Variants in SOS1 observed in about 807,000 individuals in gnomAD.
The protein encoded by SOS1 is SOS Ras/Rac guanine nucleotide exchange factor 1.
In SOS1, 25 loss-of-function variants were observed where a neutral mutation model predicts 157.6. The ratio of observed to expected loss-of-function variants is 0.16; its 90% confidence interval spans 0.12 to 0.22. The LOEUF is 0.22. SOS1 is among the 10% of genes least tolerant of loss of function. The pLI is 1.00. For synonymous variants in SOS1, 528 were observed against 534.0 expected (o/e 0.99, Z 0.16); for missense variants, 1,237 against 1,599.1 (o/e 0.77, Z 3.86).
upstream of SOS1, among the ~76,000 whole-genome samples, chr2:39,121,895 CATTA>C (rs1451373006): frequency 3.9e-5 from 6 of 152,206 alleles, no homozygotes; most frequent in South Asian, 2.1e-4. Context: ...TATGATTTAT[CATTA>C]ATTATCATTT....
chr2:39,002,399 T>C (rs2124490729), intron 17 of SOS1, among the ~76,000 whole-genome samples: 1 of 152,280 alleles, frequency 6.6e-6, no homozygotes, highest in Admixed American at 6.5e-5. Flanking sequence ...CAGTTTCAGT[T>C]TGTATAAATA....
chr2:39,028,407 C>T (rs1491001375), intron 8 of SOS1, among the ~76,000 whole-genome samples: 8 of 152,068 alleles, frequency 5.3e-5, no homozygotes, highest in African/African-American at 1.9e-4. Context: ...AATTGTTGTA[C>T]CCAGTGCATT....
rs191287131 is a variant in SOS1 at position 38,996,356 on chromosome 2, T to A, written c.3081+566A>T. Reference sequence around the variant, plus strand: ...CCACCCGCCTCAGCTTCCCAAAGTGTTGGGATTACAGGCACGAGCCACCGC... The same window carrying A: ...CCACCCGCCTCAGCTTCCCAAAGTGATGGGATTACAGGCACGAGCCACCGC... On this transcript the variant is annotated intron_variant, in intron 19 of 22. Transcript: ENST00000402219. Among the ~76,000 whole-genome samples, 33 of 152,290 alleles carry A rather than the reference T, an allele frequency of 2.2e-4. 1 individual carries two copies. In the East Asian group the frequency reaches 4.6e-3, roughly 21 times the overall value.
At chr2:39,067,529 C>T (rs1039517715) in intron 2 of SOS1, 99 bp downstream of exon 2, 5 of 1,048,238 alleles carry the variant, frequency 4.8e-6, no homozygotes, top group South Asian at 2.5e-5. Flanking sequence ...TTCTTATATA[C>T]CATATATATA....
At chr2:39,080,945 G>A (rs1324405346) in intron 1 of SOS1, among the ~76,000 whole-genome samples, 2 of 152,068 alleles carry the variant, frequency 1.3e-5, no homozygotes, top group Non-Finnish European at 2.9e-5. Flanking sequence ...CAGCACTTTG[G>A]AAGGCTGAGG....
chr2:38,986,364 G>C, intron 22 of SOS1, 49 bp from the exon 23 acceptor site: 1 of 1,498,376 alleles, frequency 6.7e-7, no homozygotes, highest in Non-Finnish European at 9.1e-7. Context: ...AATTTATGAA[G>C]TATCATGACT....
upstream of SOS1, among the ~76,000 whole-genome samples, chr2:39,123,653 CG>C (rs1254072290): frequency 3.9e-5 from 6 of 152,056 alleles, no homozygotes; most frequent in Admixed American, 2.0e-4. Flanking sequence ...CCACCGCGCC[CG>C]GCCGAGATCA....
At chr2:39,045,339 A>C (rs942701927) in intron 6 of SOS1, among the ~76,000 whole-genome samples, 2 of 146,194 alleles carry the variant, frequency 1.4e-5, no homozygotes, top group Non-Finnish European at 3.0e-5. Context: ...TCTGTGGCCT[A>C]ATCTTTTTTG....
At chr2:39,021,814 A>G (rs141137958) in intron 10 of SOS1, among the ~76,000 whole-genome samples, 2 of 151,884 alleles carry the variant, frequency 1.3e-5, no homozygotes, top group African/African-American at 4.8e-5. Context: ...TGAATAAAAA[A>G]CATTTTTATA....
chr2:39,014,340 G>A (rs1028726144), intron 11 of SOS1, among the ~76,000 whole-genome samples: 25 of 151,966 alleles, frequency 1.6e-4, no homozygotes, highest in Non-Finnish European at 3.1e-4. Flanking sequence ...TCACTGTTAA[G>A]GGTAATTCCA....
chr2:39,045,085 ATGTAATGTAT>A (rs1670716744), intron 6 of SOS1, among the ~76,000 whole-genome samples: 1 of 152,156 alleles, frequency 6.6e-6, no homozygotes, highest in African/African-American at 2.4e-5. Context: ...ATGTACCCTG[ATGTAATGTAT>A]TGTAATGTGC....
chr2:39,051,400 G>C (rs1671011873), intron 5 of SOS1, 113 bp from the exon 6 acceptor site: 1 of 920,416 alleles, frequency 1.1e-6, no homozygotes, highest in African/African-American at 1.7e-5. Flanking sequence ...CAGACACAGT[G>C]AAAAATTTTA....
At chr2:39,043,789 T>C (rs547239971) in intron 6 of SOS1, among the ~76,000 whole-genome samples, 2 of 152,296 alleles carry the variant, frequency 1.3e-5, no homozygotes, top group East Asian at 3.9e-4. Flanking sequence ...CCCACCCTGA[T>C]GACCTTATCT....
intron 17 of SOS1, among the ~76,000 whole-genome samples, chr2:39,006,107 A>G (rs561978514): frequency 2.6e-5 from 4 of 152,170 alleles, no homozygotes; most frequent in Non-Finnish European, 5.9e-5. Flanking sequence ...AATATAGTTG[A>G]GTTTGGCTAT....
At position 39,013,977 on chromosome 2, in the gene SOS1, T is replaced by C. The variant is rs141507912; in HGVS notation, c.1953A>G (p.Pro651=). 1.1e-4 allele frequency: 172 copies of C among 1,604,462 alleles called. No individual in the cohort carries two copies. Among genetic ancestry groups the C allele is most frequent in the Non-Finnish European group, 1.4e-4 (167 of 1,172,370 alleles). ...GATCAGCTTCTGTTGGCTCAGGCTCTGGAATTTCAAACCTAACATAAAATA... is the reference window on the plus strand; with the variant it reads ...GATCAGCTTCTGTTGGCTCAGGCTCCGGAATTTCAAACCTAACATAAAATA... The part of the protein sequence containing the change: ...LSLIIERFEI[P]EPEPTEADRI... Residue 651 remains proline, a synonymous_variant, in exon 12 of 23, where the codon CCA becomes CCG. Transcript: ENST00000402219.
At chr2:39,004,232 G>C (rs1003275417) in intron 17 of SOS1, among the ~76,000 whole-genome samples, 5 of 151,932 alleles carry the variant, frequency 3.3e-5, no homozygotes, top group South Asian at 2.1e-4. Flanking sequence ...TGGCTAACAC[G>C]GTGAAACCCT....
intron 10 of SOS1, among the ~76,000 whole-genome samples, chr2:39,017,822 T>C (rs1669675761): frequency 6.6e-6 from 1 of 151,970 alleles, no homozygotes; most frequent in African/African-American, 2.4e-5. Context: ...TTCCAGACAT[T>C]ATTTTTATTT....
chr2:39,065,422 C>G (rs1204376199), intron 2 of SOS1, among the ~76,000 whole-genome samples: 1 of 152,124 alleles, frequency 6.6e-6, no homozygotes, highest in African/African-American at 2.4e-5. Context: ...CACAAAATAC[C>G]CCAGCCTCTT....
chr2:39,117,185 C>G (rs188180832), intron 1 of SOS1, among the ~76,000 whole-genome samples: 1 of 152,142 alleles, frequency 6.6e-6, no homozygotes, highest in Admixed American at 6.5e-5. Flanking sequence ...CCCACCACCA[C>G]GCCAGGCTAA....
Sources: gnomAD v4.1 joint callset for allele counts (sites outside exome capture counted in the v4.1 genomes callset) on GRCh38, gnomAD v4.1.1 for gene constraint, MANE v1.5 for transcripts, NCBI Gene and HGNC (gene_info 2026-07-23, HGNC 2026-07-21) for gene names.